Variants in SPIRE1 observed in about 807,000 individuals in gnomAD.
SPIRE1 encodes protein spire homolog 1.
A neutral mutation model predicts 94.1 loss-of-function variants in SPIRE1; 40 were observed. That is an observed-to-expected ratio of 0.43 (90% CI 0.33 to 0.55). SPIRE1 has a LOEUF of 0.55. Ranked by LOEUF, SPIRE1 falls within the 20% of genes least tolerant of loss-of-function variation. SPIRE1 has a pLI of 0.06. For missense variants in SPIRE1, 838 were observed against 975.2 expected (o/e 0.86, Z 1.87); for synonymous variants, 376 against 371.7 (o/e 1.01, Z -0.13).
intron 3 of SPIRE1, among the ~76,000 whole-genome samples, chr18:12,536,959 A>G (rs2034861295): frequency 1.3e-5 from 2 of 152,224 alleles, no homozygotes; most frequent in African/African-American, 4.8e-5. Context: ...ATTTCTATCA[A>G]TTAAAGAATA....
At chr18:12,471,226 T>C (rs2032347114) in intron 10 of SPIRE1, among the ~76,000 whole-genome samples, 1 of 151,538 alleles carries the variant, frequency 6.6e-6, no homozygotes, top group Non-Finnish European at 1.5e-5. Flanking sequence ...GGTCTGGGTG[T>C]GGGGGTCTAA....
intron 1 of SPIRE1, among the ~76,000 whole-genome samples, chr18:12,647,536 A>AT (rs2038259140): frequency 6.6e-6 from 1 of 152,046 alleles, no homozygotes; most frequent in Non-Finnish European, 1.5e-5. Context: ...AGATCACTTG[A>AT]ATGGGGTTCA....
At chr18:12,647,044 CAAAA>C (rs34928573) in intron 1 of SPIRE1, among the ~76,000 whole-genome samples, 3 of 78,384 alleles carry the variant, frequency 3.8e-5, no homozygotes, top group Non-Finnish European at 5.2e-5. Context: ...AACTCTGACT[CAAAA>C]AAAAAAAAAA....
At chr18:12,507,836 T>A (rs2033888773) in intron 5 of SPIRE1, among the ~76,000 whole-genome samples, 1 of 152,146 alleles carries the variant, frequency 6.6e-6, no homozygotes, top group African/African-American at 2.4e-5. Flanking sequence ...GCTAAAAACC[T>A]GTAACTTGTT....
chr18:12,554,296 C>T (rs1413546907), intron 2 of SPIRE1, among the ~76,000 whole-genome samples: 1 of 56,384 alleles, frequency 1.8e-5, no homozygotes, highest in African/African-American at 6.0e-5. Flanking sequence ...AGACTCTGTT[C>T]AAAAAAAAAA....
intron 2 of SPIRE1, among the ~76,000 whole-genome samples, chr18:12,556,290 T>C (rs1041612664): frequency 1.3e-5 from 2 of 151,590 alleles, no homozygotes; most frequent in Non-Finnish European, 2.9e-5. Context: ...ACATTCTTCA[T>C]AGAAATAGAA....
chr18:12,566,330 C>T (rs995896067), intron 2 of SPIRE1, among the ~76,000 whole-genome samples: 4 of 151,772 alleles, frequency 2.6e-5, no homozygotes, highest in African/African-American at 7.3e-5. Flanking sequence ...AGTAAGACTC[C>T]GTCTCAAATA....
At chr18:12,529,737 C>T (rs2034631476) in intron 4 of SPIRE1, among the ~76,000 whole-genome samples, 1 of 152,110 alleles carries the variant, frequency 6.6e-6, no homozygotes, top group Non-Finnish European at 1.5e-5. Flanking sequence ...ATGAATGACA[C>T]AAGAAAGTGC....
intron 9 of SPIRE1, among the ~76,000 whole-genome samples, chr18:12,482,521 G>C (rs2032880916): frequency 6.6e-6 from 1 of 152,122 alleles, no homozygotes; most frequent in Non-Finnish European, 1.5e-5. Context: ...TGTATTTTAA[G>C]ATCCATGATT....
At chr18:12,537,024 G>A (rs1052481314) in intron 3 of SPIRE1, among the ~76,000 whole-genome samples, 7 of 152,038 alleles carry the variant, frequency 4.6e-5, no homozygotes, top group Admixed American at 3.3e-4. Context: ...CTGTTTTCAC[G>A]TATAGTAACC....
chr18:12,522,036 G>A (rs1331043735), intron 4 of SPIRE1, among the ~76,000 whole-genome samples: 1 of 152,294 alleles, frequency 6.6e-6, no homozygotes, highest in Admixed American at 6.5e-5. Context: ...GTGGAAGGAA[G>A]AGTCATAAGT....
chr18:12,529,074 A>C (rs949353955), intron 4 of SPIRE1, among the ~76,000 whole-genome samples: 4 of 152,234 alleles, frequency 2.6e-5, no homozygotes, highest in African/African-American at 9.6e-5. Flanking sequence ...AACGCGATTA[A>C]AATGAAAACA....
At chr18:12,560,622 G>A (rs145922610) in intron 2 of SPIRE1, among the ~76,000 whole-genome samples, 89 of 152,306 alleles carry the variant, frequency 5.8e-4, no homozygotes, top group African/African-American at 2.1e-3. Flanking sequence ...ATGCCAAGGC[G>A]GGCGGATCAC....
chr18:12,614,691 G>A (rs1326530318), intron 2 of SPIRE1, among the ~76,000 whole-genome samples: 1 of 151,844 alleles, frequency 6.6e-6, no homozygotes, highest in Non-Finnish European at 1.5e-5. Flanking sequence ...GGTCACGGGC[G>A]CCTGTAACCC....
At chr18:12,602,153 T>C (rs565595788) in intron 2 of SPIRE1, among the ~76,000 whole-genome samples, 1 of 152,258 alleles carries the variant, frequency 6.6e-6, no homozygotes, top group African/African-American at 2.4e-5. Flanking sequence ...CATAAAGGGC[T>C]GAGTTACTTT....
In SPIRE1 at chr18:12,448,698, C is replaced by T. The variant is rs149374311; in HGVS notation, c.*940G>A. On this transcript the variant is annotated 3_prime_UTR_variant, in exon 17 of 17. Coordinates refer to ENST00000409402, the MANE Select transcript of SPIRE1 (RefSeq NM_001128626.2). The surrounding 1 kb of genome is among the most constrained non-coding windows in gnomAD (Gnocchi z 4.4). ...GTACCAAATTGTGGCTTAATTTACT[C>T]AAGATGGATGTACTACAAAGTTATG... The T allele has an allele frequency of 1.6e-4, 24 of 152,250 alleles. No individual in the cohort carries two copies. Among genetic ancestry groups the T allele is most frequent in the African/African-American group, 5.8e-4 (24 of 41,530 alleles). 9.4% of individuals were successfully genotyped at this position (152,250 alleles called of 1,614,324 possible). A position where few individuals can be genotyped will look rare whatever the true frequency, so the allele number is the denominator to read the frequency against.
chr18:12,496,076 TA>T lies in SPIRE1; in HGVS notation c.998del (p.Leu333Ter). On this transcript the variant is annotated frameshift_variant, in exon 7 of 17. Coordinates refer to ENST00000409402, the MANE Select transcript of SPIRE1 (RefSeq NM_001128626.2). LOFTEE classifies it high-confidence loss of function. ...GGATGATTTCATGAGCACTCTTTTT[TA>T]ACCGAGGGGGAATATCACCATTCAC... ...VMVNGDIPPR[L>X]KKSAHEIILD... 1 of 1,613,714 alleles carries T rather than the reference TA, an allele frequency of 6.2e-7. No homozygotes were observed. The highest frequency in any genetic ancestry group is 8.5e-7 in the Non-Finnish European group (1 of 1,179,642).
chr18:12,630,791 AAGGCTGAAC>A (rs1335800139), intron 2 of SPIRE1, among the ~76,000 whole-genome samples: 1 of 152,208 alleles, frequency 6.6e-6, no homozygotes, highest in Non-Finnish European at 1.5e-5. Flanking sequence ...TGAATTCAGA[AAGGCTGAAC>A]AGGCTGCCCC....
intron 2 of SPIRE1, among the ~76,000 whole-genome samples, chr18:12,558,091 G>GT (rs2035571422): frequency 6.6e-6 from 1 of 152,176 alleles, no homozygotes; most frequent in Admixed American, 6.5e-5. Context: ...GAATTGGTGG[G>GT]TTATTGGTCT....
Sources: allele counts gnomAD v4.1 joint callset (sites outside exome capture counted in the v4.1 genomes callset), GRCh38; gene constraint gnomAD v4.1.1; non-coding constraint Gnocchi (gnomAD v3.1); transcripts MANE v1.5; gene names NCBI Gene and HGNC (gene_info 2026-07-23, HGNC 2026-07-21).